Variants in SCEL observed in about 807,000 individuals in gnomAD.
SCEL encodes sciellin.
A neutral mutation model predicts 117.6 loss-of-function variants in SCEL; 113 were observed. The ratio of observed to expected loss-of-function variants is 0.96; its 90% confidence interval spans 0.83 to 1.12. The LOEUF (loss-of-function observed/expected upper bound fraction) is 1.12. SCEL is among the 50% of genes most tolerant of loss of function. SCEL has a pLI of 0.00. For synonymous variants in SCEL, 270 were observed against 256.2 expected (o/e 1.05, Z -0.51); for missense variants, 785 against 810.8 (o/e 0.97, Z 0.39).
rs1210088552 is a variant in SCEL, at chr13:77,556,712, A to G, written c.160A>G (p.Lys54Glu). 6.2e-7 allele frequency: 1 copy of G among 1,608,078 alleles called. No individual in the cohort carries two copies. Among genetic ancestry groups the G allele is most frequent in the African/African-American group, 1.3e-5 (1 of 74,782 alleles). The change falls in exon 3 of 33, where the codon AAA becomes GAA. Residue 54 changes from lysine to glutamate, a missense_variant and splice_region_variant. Transcript: ENST00000349847. ...SWIKKRPEEE[K>E]DENYGRVVLN... ...GATAAAGAAACGCCCTGAAGAAGAA[A>G]AGTAAGCTGGTGTGGAGCGTGGTGG...
chr13:77,608,254 C>A, intron 20 of SCEL, 139 bp downstream of exon 20: 1 of 599,382 alleles, frequency 1.7e-6, no homozygotes, highest in Non-Finnish European at 2.9e-6. Flanking sequence ...TGTCTTTGAA[C>A]AAGTCCCTTG....
At chr13:77,613,728 T>C (rs2088832496) in intron 23 of SCEL, among the ~76,000 whole-genome samples, 165 bp from the exon 24 acceptor site, 1 of 151,992 alleles carries the variant, frequency 6.6e-6, no homozygotes, top group African/African-American at 2.4e-5. Context: ...TTGATGTCAT[T>C]GAGTTGTTGT....
In SCEL at chr13:77,563,873, G is replaced by T; in HGVS notation, c.264G>T (p.Arg88=). ...ERDVPKATIS[R]YSSDDTLDRI... ...ATGTGCCAAAAGCTACAATTAGTCG[G>T]TACAGTTCTGATGACACTTTGGACA... Residue 88 remains arginine, a synonymous_variant, in exon 5 of 33, where the codon CGG becomes CGT. Coordinates refer to ENST00000349847, the MANE Select transcript of SCEL (RefSeq NM_144777.3). 1 of 1,601,166 alleles carries T rather than the reference G, an allele frequency of 6.2e-7. No homozygotes were observed. Among genetic ancestry groups the T allele is most frequent in the East Asian group, 2.3e-5 (1 of 44,348 alleles).
intron 11 of SCEL, among the ~76,000 whole-genome samples, chr13:77,592,091 TATG>T (rs1288769812): frequency 6.6e-6 from 1 of 152,220 alleles, no homozygotes; most frequent in Non-Finnish European, 1.5e-5. Context: ...GGTCTATCAA[TATG>T]ATAATTTTTC....
intron 1 of SCEL, among the ~76,000 whole-genome samples, chr13:77,549,790 G>A (rs1445061111): frequency 1.3e-5 from 2 of 152,104 alleles, no homozygotes; most frequent in African/African-American, 4.8e-5. Context: ...AATGATCCAC[G>A]GGTCACTCAA....
At chr13:77,576,729 G>A (rs1457580177) in intron 9 of SCEL, among the ~76,000 whole-genome samples, 1 of 152,206 alleles carries the variant, frequency 6.6e-6, no homozygotes, top group Non-Finnish European at 1.5e-5. Context: ...ACTTTGGGCA[G>A]TATGGCCATT....
chr13:77,566,758 G>A (rs547771284), intron 5 of SCEL, among the ~76,000 whole-genome samples: 13 of 152,188 alleles, frequency 8.5e-5, no homozygotes, highest in Admixed American at 3.9e-4. Flanking sequence ...TTTTAATGCC[G>A]CCATATTTAT....
At chr13:77,577,788 T>C (rs2086034073) in intron 9 of SCEL, among the ~76,000 whole-genome samples, 1 of 152,162 alleles carries the variant, frequency 6.6e-6, no homozygotes, top group Non-Finnish European at 1.5e-5. Flanking sequence ...AAATGAAATA[T>C]TGGCCATCCC....
chr13:77,624,383 C>T lies in SCEL; in HGVS notation c.1629-3564C>T, dbSNP rs1277701591. ...CCTCCCAGAGTGCTGGGATTACAGA[C>T]GTGAACCACCGCGCCCAGCCAGAAA... On this transcript the variant is annotated intron_variant, in intron 27 of 32. Coordinates refer to ENST00000349847, the MANE Select transcript of SCEL (RefSeq NM_144777.3). Among the ~76,000 whole-genome samples, 9 of 152,090 alleles carry T rather than the reference C, an allele frequency of 5.9e-5. No individual in the cohort carries two copies. In the South Asian group the frequency reaches 8.3e-4, roughly 14 times the overall value.
intron 10 of SCEL, among the ~76,000 whole-genome samples, chr13:77,589,650 A>T (rs578084781): frequency 6.6e-6 from 1 of 152,294 alleles, no homozygotes; most frequent in African/African-American, 2.4e-5. Context: ...GATTCTGATG[A>T]ACGATGTTCT....
At chr13:77,539,041 C>T (rs2083560054) in intron 1 of SCEL, among the ~76,000 whole-genome samples, 1 of 152,118 alleles carries the variant, frequency 6.6e-6, no homozygotes, top group Non-Finnish European at 1.5e-5. Context: ...CCCAGGGTTC[C>T]CTCTTTTGTC....
chr13:77,593,293 T>TGCGCGC lies in SCEL; in HGVS notation c.693-220_693-219insCGCGCG, dbSNP rs1491396156. Among the ~76,000 whole-genome samples the TGCGCGC allele has an allele frequency of 6.7e-4, 36 of 53,384 alleles. 1 individual carries two copies. In the East Asian group the frequency reaches 0.014, roughly 21 times the overall value. The allele number at this position is 53,384 out of a possible 152,430, so 35.0% of individuals were successfully genotyped here. On this transcript the variant is annotated intron_variant, in intron 11 of 32. Coordinates refer to ENST00000349847, the MANE Select transcript of SCEL (RefSeq NM_144777.3). ...GTGTGTGTGTGTGTGTGTGTGTGTG[T>TGCGCGC]GTGTCTGTGTGTGTGTGTGTGTGTG...
At chr13:77,628,802 A>G (rs2089895166) in intron 28 of SCEL, among the ~76,000 whole-genome samples, 1 of 152,158 alleles carries the variant, frequency 6.6e-6, no homozygotes, top group Non-Finnish European at 1.5e-5. Flanking sequence ...TACTGTCTCT[A>G]AAAGGTTCCT....
chr13:77,630,102 G>A (rs1342282383), intron 28 of SCEL, among the ~76,000 whole-genome samples: 1 of 152,146 alleles, frequency 6.6e-6, no homozygotes, highest in East Asian at 1.9e-4. Flanking sequence ...CTTGCCTTGG[G>A]GAAGAGGGAT....
chr13:77,616,004 C>CTCTGTG (rs1491228276), intron 24 of SCEL, among the ~76,000 whole-genome samples: 6 of 114,192 alleles, frequency 5.3e-5, no homozygotes, highest in African/African-American at 2.4e-4. Context: ...TTATGTCTCT[C>CTCTGTG]TGTGTGTGTG....
rs143039042 is a variant in SCEL, at chr13:77,619,875, C to A, written c.1628+1815C>A. On this transcript the variant is annotated intron_variant, in intron 27 of 32. Transcript: ENST00000349847. Reference sequence around the variant, plus strand: ...TTCTCTCCCACATCCCCTTCCCAACCCCTTTCCTCCCTCAGTCCCTCTGAC... The same window carrying A: ...TTCTCTCCCACATCCCCTTCCCAACACCTTTCCTCCCTCAGTCCCTCTGAC... Among the ~76,000 whole-genome samples, 19 of 152,230 alleles carry A rather than the reference C, an allele frequency of 1.2e-4. No homozygotes were observed. The East Asian group carries it at 3.5e-3, about 28-fold the overall frequency.
chr13:77,637,068 C>A (rs1284696445), intron 29 of SCEL, 52 bp from the exon 30 acceptor site: 6 of 883,756 alleles, frequency 6.8e-6, no homozygotes, highest in African/African-American at 1.7e-5. Context: ...GTTTTCTTAT[C>A]TACATAAGGA....
chr13:77,612,538 T>C (rs2088734100), intron 22 of SCEL, among the ~76,000 whole-genome samples: 1 of 142,726 alleles, frequency 7.0e-6, no homozygotes, highest in South Asian at 2.2e-4. Flanking sequence ...AAGGAACATA[T>C]GGAAATAATG....
At chr13:77,592,879 A>G (rs2086958287) in intron 11 of SCEL, among the ~76,000 whole-genome samples, 2 of 151,968 alleles carry the variant, frequency 1.3e-5, no homozygotes, top group Non-Finnish European at 2.9e-5. Flanking sequence ...GTTCTTAATT[A>G]CTATAAGAAT....
Sources: allele counts gnomAD v4.1 joint callset (sites outside exome capture counted in the v4.1 genomes callset), GRCh38; gene constraint gnomAD v4.1.1; transcripts MANE v1.5; gene names NCBI Gene and HGNC (gene_info 2026-07-23, HGNC 2026-07-21).